Variants in PDSS1 observed in about 807,000 individuals in gnomAD.
The protein encoded by PDSS1 is all trans-polyprenyl-diphosphate synthase PDSS1.
In PDSS1, 43 loss-of-function variants were observed where a neutral mutation model predicts 57.5. The observed-to-expected ratio is 0.75, with a 90% CI of 0.59 to 0.96. The LOEUF (loss-of-function observed/expected upper bound fraction) is 0.96. Among genes scored for constraint, PDSS1 ranks in the 50% least tolerant of loss-of-function variants. The pLI is 0.00. For synonymous variants in PDSS1, 175 were observed against 191.3 expected (o/e 0.91, Z 0.70); for missense variants, 438 against 527.8 (o/e 0.83, Z 1.67).
Position 26,743,580 on chromosome 10 carries a change from A to G in PDSS1, c.1107+1003A>G, listed in dbSNP as rs552950844. Among the ~76,000 whole-genome samples, 7 of 152,346 alleles carry G rather than the reference A, an allele frequency of 4.6e-5. No homozygotes were observed. The South Asian group carries it at 6.2e-4, about 14-fold the overall frequency. Reference sequence around the variant, plus strand: ...GGAGCTGGAGCTGATAAAGAAGTCAATATTCCCTGGGAGAGGTTCTGGCTT... The same window carrying G: ...GGAGCTGGAGCTGATAAAGAAGTCAGTATTCCCTGGGAGAGGTTCTGGCTT... On this transcript the variant is annotated intron_variant, in intron 11 of 11. Coordinates refer to ENST00000376215, the MANE Select transcript of PDSS1 (RefSeq NM_014317.5).
intron 8 of PDSS1, 88 bp from the exon 9 acceptor site, chr10:26,735,152 C>T: frequency 1.1e-6 from 1 of 887,262 alleles, no homozygotes. Flanking sequence ...CCCGCTGCCT[C>T]CTATTTTAAG....
At chr10:26,718,369 T>C (rs1458900648) in intron 5 of PDSS1, among the ~76,000 whole-genome samples, 2 of 152,082 alleles carry the variant, frequency 1.3e-5, no homozygotes, top group Non-Finnish European at 2.9e-5. Context: ...TTTTATATGC[T>C]AATTTGTCCC....
intron 1 of PDSS1, among the ~76,000 whole-genome samples, chr10:26,700,500 G>A (rs1257371517): frequency 6.6e-6 from 1 of 152,038 alleles, no homozygotes; most frequent in African/African-American, 2.4e-5. Flanking sequence ...TTATATTTGG[G>A]GACCAGGGAG....
At chr10:26,704,472 C>G (rs1316651095) in intron 2 of PDSS1, among the ~76,000 whole-genome samples, 1 of 152,010 alleles carries the variant, frequency 6.6e-6, no homozygotes, top group African/African-American at 2.4e-5. Context: ...TTATTTTCTC[C>G]TTTTTTCTTA....
chr10:26,725,984 C>A (rs7072558), intron 8 of PDSS1, among the ~76,000 whole-genome samples: 3,037 of 152,246 alleles, frequency 0.02, 105 homozygotes, highest in African/African-American at 0.07. Context: ...ATTGGAAACA[C>A]CAAGACTTAC....
rs1780193 is a variant in PDSS1 at position 26,704,808 on chromosome 10, A to T, written c.227+67A>T. The T allele has an allele frequency of 0.55, 498,508 of 899,786 alleles. 141,758 individuals carry two copies. Among genetic ancestry groups the T allele is most frequent in the Admixed American group, 0.63 (36,395 of 57,608 alleles). 55.7% of individuals were successfully genotyped at this position (899,786 alleles called of 1,614,324 possible). ...TTTTAAATTTATTGTTGTTTAAAAA[A>T]TTTTTTTTGTAGCGATGGGGAGCTC... On this transcript the variant is annotated intron_variant, in intron 3 of 11. Transcript: ENST00000376215.
Position 26,724,009 on chromosome 10 carries a change from T to C in PDSS1, c.722-5T>C, listed in dbSNP as rs752338769. 1 of 1,610,850 alleles carries C rather than the reference T, an allele frequency of 6.2e-7. No individual in the cohort carries two copies. Among genetic ancestry groups the C allele is most frequent in the Admixed American group, 1.7e-5 (1 of 60,006 alleles). ...CTCTCAAATGACTCCTTTCCTTCTT[T>C]ATAGGTGAATTTCTTCAGCTCGGGT... On this transcript the variant is annotated splice_region_variant and splice_polypyrimidine_tract_variant and intron_variant, in intron 7 of 11. Coordinates refer to ENST00000376215, the MANE Select transcript of PDSS1 (RefSeq NM_014317.5).
intron 8 of PDSS1, among the ~76,000 whole-genome samples, chr10:26,733,449 T>C (rs1013400015): frequency 1.3e-5 from 2 of 152,202 alleles, no homozygotes; most frequent in African/African-American, 4.8e-5. Context: ...AAAGCAGTTA[T>C]GAGCTTACTG....
intron 1 of PDSS1, chr10:26,701,795 C>T (rs111748728): frequency 1.5e-4 from 68 of 453,886 alleles, no homozygotes; most frequent in South Asian, 4.0e-4. Flanking sequence ...GGAGGGCCAC[C>T]GTGCTCTAGA....
rs201159795 is a variant in PDSS1 at position 26,740,086 on chromosome 10, C to CA, written c.1027-2410dup. ...GAACCCGGGAGGCGGAGGTTGCAGT[C>CA]AGCCAAGATCGTGCCACTGCACTCC... is the stretch of plus-strand genomic sequence containing the variant. On this transcript the variant is annotated intron_variant, in intron 10 of 11. Transcript: ENST00000376215. Among the ~76,000 whole-genome samples the CA allele has an allele frequency of 3.2e-3, 483 of 149,040 alleles. 17 individuals are homozygous for CA. The East Asian group carries it at 0.07, about 22-fold the overall frequency.
rs114789288 is a variant in PDSS1, at chr10:26,724,113, G to A, written c.821G>A (p.Ser274Asn). The change falls in exon 8 of 12, where the codon AGT becomes AAT. Residue 274 changes from serine to asparagine, a missense_variant. Around this residue, in one of 2 missense-constraint regions of PDSS1, gnomAD observed 284 missense variants for 390.7 expected, o/e 0.73. Transcript: ENST00000376215. ...FKKTASLIAN[S>N]CKAVSVLGCP... ...AAGACCGCCAGCCTGATAGCCAACAGTTGTAAAGCAGTATGTACGTTCTGT... is the reference window on the plus strand; with the variant it reads ...AAGACCGCCAGCCTGATAGCCAACAATTGTAAAGCAGTATGTACGTTCTGT... 4 of 1,606,152 alleles carry A rather than the reference G, an allele frequency of 2.5e-6. No homozygotes were observed. Among genetic ancestry groups the A allele is most frequent in the Non-Finnish European group, 3.4e-6 (4 of 1,172,732 alleles).
intron 10 of PDSS1, chr10:26,740,905 A>C (rs1836575996): frequency 3.2e-6 from 1 of 308,482 alleles, no homozygotes; most frequent in Non-Finnish European, 6.6e-6. Context: ...TGACACTTCT[A>C]AATAGTTGCT....
At chr10:26,702,073 A>G (rs920954588) in intron 1 of PDSS1, 89 bp from the exon 2 acceptor site, 3 of 441,590 alleles carry the variant, frequency 6.8e-6, no homozygotes, top group Admixed American at 4.9e-5. Flanking sequence ...GTTTTGGCCA[A>G]TTTCTACCAT....
intron 10 of PDSS1, among the ~76,000 whole-genome samples, chr10:26,741,536 C>T (rs1836608477): frequency 6.6e-6 from 1 of 152,120 alleles, no homozygotes; most frequent in Admixed American, 6.5e-5. Flanking sequence ...CCAGCTGATC[C>T]CAGTATGCAG....
intron 8 of PDSS1, 31 bp from the exon 9 acceptor site, chr10:26,735,209 A>T: frequency 2.0e-6 from 3 of 1,531,414 alleles, no homozygotes; most frequent in Non-Finnish European, 2.7e-6. Context: ...GCCTGGAAGC[A>T]GCTTATCTCA....
At chr10:26,738,474 T>C (rs559862500) in intron 10 of PDSS1, among the ~76,000 whole-genome samples, 1 of 152,320 alleles carries the variant, frequency 6.6e-6, no homozygotes, top group African/African-American at 2.4e-5. Context: ...CACACAGGCC[T>C]TCCCACAGAG....
At chr10:26,727,070 CAA>C (rs76284727) in intron 8 of PDSS1, among the ~76,000 whole-genome samples, 51 of 55,620 alleles carry the variant, frequency 9.2e-4, no homozygotes, top group African/African-American at 2.6e-3. Context: ...AAAAAAAAAA[CAA>C]ACAAACCAGA....
At chr10:26,740,786 G>A (rs1030717054) in intron 10 of PDSS1, 6 of 415,324 alleles carry the variant, frequency 1.4e-5, no homozygotes, top group Non-Finnish European at 2.9e-5. Flanking sequence ...AAGACCCCAG[G>A]GGCTAAGGAA....
At chr10:26,730,130 T>C (rs2132286541) in intron 8 of PDSS1, among the ~76,000 whole-genome samples, 1 of 151,742 alleles carries the variant, frequency 6.6e-6, no homozygotes, top group African/African-American at 2.4e-5. Context: ...GCCAGGATGG[T>C]CTCGATCTCC....
Sources: gnomAD v4.1 joint callset for allele counts (sites outside exome capture counted in the v4.1 genomes callset) on GRCh38, gnomAD v4.1.1 for gene constraint, gnomAD v4.1.1 regional missense constraint, MANE v1.5 for transcripts, NCBI Gene and HGNC (gene_info 2026-07-23, HGNC 2026-07-21) for gene names.